MCM9: variants seen among roughly 807,000 people sequenced by gnomAD.
MCM9 encodes the protein DNA helicase MCM9.
A neutral mutation model predicts 72.8 loss-of-function variants in MCM9; 55 were observed. The ratio of observed to expected loss-of-function variants is 0.76; its 90% CI spans 0.61 to 0.95. The LOEUF (loss-of-function observed/expected upper bound fraction) is 0.95. Ranked by LOEUF, MCM9 falls within the 40% of genes least tolerant of loss-of-function variation. The pLI is 0.00. For missense variants in MCM9, 1,279 were observed against 1,377.0 expected (o/e 0.93, Z 1.13); for synonymous variants, 480 against 503.4 (o/e 0.95, Z 0.62).
At chr6:118,903,827 T>G (rs981902149) in intron 8 of MCM9, among the ~76,000 whole-genome samples, 1 of 152,160 alleles carries the variant, frequency 6.6e-6, no homozygotes, top group Non-Finnish European at 1.5e-5. Context: ...GCTCAAGTGA[T>G]CCACCCACCT....
intron 13 of MCM9, among the ~76,000 whole-genome samples, chr6:118,824,034 CCTTTTTTT>C (rs1773996201): frequency 8.3e-6 from 1 of 120,098 alleles, no homozygotes; most frequent in South Asian, 2.7e-4. Context: ...AGCAAACCCA[CCTTTTTTT>C]TTTTTTTTTT....
intron 8 of MCM9, among the ~76,000 whole-genome samples, chr6:118,905,271 T>C (rs1400062664): frequency 1.3e-5 from 2 of 152,172 alleles, no homozygotes; most frequent in African/African-American, 4.8e-5. Context: ...TATGAGGAGA[T>C]CATTTAATAC....
In MCM9 at chr6:118,879,250, A is replaced by G. The variant is rs1187972011; in HGVS notation, c.1151-22705T>C. On this transcript the variant is annotated intron_variant, in intron 8 of 13. Transcript: ENST00000619706. ...CAAAGGTTGTTAGAATGGAGGGGGA[A>G]AAAAAAAAAAAACCCATGATCCAAC... Among the ~76,000 whole-genome samples the G allele has an allele frequency of 6.1e-3, 34 of 5,550 alleles. No homozygotes were observed. In the South Asian group the frequency reaches 0.16, roughly 26 times the overall value. 3.6% of individuals were successfully genotyped at this position (5,550 alleles called of 152,430 possible).
chr6:118,842,033 C>T (rs926549159), intron 9 of MCM9, among the ~76,000 whole-genome samples: 9 of 152,168 alleles, frequency 5.9e-5, no homozygotes, highest in Non-Finnish European at 1.3e-4. Flanking sequence ...TGGGGTTTCG[C>T]CATATTGGCT....
intron 9 of MCM9, among the ~76,000 whole-genome samples, chr6:118,840,539 G>A (rs1221705417): frequency 2.6e-5 from 4 of 151,968 alleles, no homozygotes; most frequent in Non-Finnish European, 5.9e-5. Context: ...AACAGCCCAC[G>A]CAGCAACAGT....
intron 8 of MCM9, among the ~76,000 whole-genome samples, chr6:118,863,636 G>A (rs1777040259): frequency 6.6e-6 from 1 of 152,170 alleles, no homozygotes; most frequent in African/African-American, 2.4e-5. Flanking sequence ...TATTTGAGAG[G>A]TGGGACCTTT....
chr6:118,901,574 A>C (rs1046072336), intron 8 of MCM9, among the ~76,000 whole-genome samples: 1 of 152,190 alleles, frequency 6.6e-6, no homozygotes, highest in African/African-American at 2.4e-5. Context: ...ATCTATACCA[A>C]GGCTTCAGAC....
intron 9 of MCM9, among the ~76,000 whole-genome samples, chr6:118,831,723 T>C (rs1006495451): frequency 6.6e-6 from 1 of 152,170 alleles, no homozygotes; most frequent in Admixed American, 6.5e-5. Flanking sequence ...AAATACTAAA[T>C]GAATGAATTC....
chr6:118,905,560 A>C, intron 8 of MCM9: 1 of 993,070 alleles, frequency 1.0e-6, no homozygotes, highest in Non-Finnish European at 1.4e-6. Context: ...TGCATCCTCA[A>C]CTGATGGTTC....
chr6:118,880,874 C>A (rs2114386310), intron 8 of MCM9, among the ~76,000 whole-genome samples: 1 of 152,278 alleles, frequency 6.6e-6, no homozygotes, highest in South Asian at 2.1e-4. Flanking sequence ...CTCTCCTTAT[C>A]CACAGGGGAT....
At chr6:118,932,953 T>C (rs745642893) in intron 1 of MCM9, among the ~76,000 whole-genome samples, 5 of 152,194 alleles carry the variant, frequency 3.3e-5, no homozygotes, top group Admixed American at 6.5e-5. Context: ...AAATTACATA[T>C]GTATAAACCC....
At chr6:118,922,394 G>A (rs1781503186) in intron 4 of MCM9, among the ~76,000 whole-genome samples, 1 of 152,028 alleles carries the variant, frequency 6.6e-6, no homozygotes, top group South Asian at 2.1e-4. Flanking sequence ...AGAAAAGAGG[G>A]GTATTTCTTT....
At chr6:118,859,776 T>C (rs1251580955) in intron 8 of MCM9, among the ~76,000 whole-genome samples, 2 of 152,178 alleles carry the variant, frequency 1.3e-5, no homozygotes, top group Non-Finnish European at 2.9e-5. Context: ...ACGCCAGAAC[T>C]TCCTGTTCTT....
intron 9 of MCM9, among the ~76,000 whole-genome samples, chr6:118,849,280 A>C (rs1395001098): frequency 1.3e-5 from 2 of 151,902 alleles, no homozygotes; most frequent in African/African-American, 4.9e-5. Context: ...TACCTTCATA[A>C]AGCAGAAATT....
At chr6:118,846,863 A>G (rs879378750) in intron 9 of MCM9, among the ~76,000 whole-genome samples, 1 of 151,830 alleles carries the variant, frequency 6.6e-6, no homozygotes, top group Non-Finnish European at 1.5e-5. Context: ...ACATTTTAAA[A>G]TGAATGGAAA....
chr6:118,817,485 T>C (rs540319400), intron 13 of MCM9, among the ~76,000 whole-genome samples: 1 of 152,354 alleles, frequency 6.6e-6, no homozygotes, highest in South Asian at 2.1e-4. Flanking sequence ...TTTTTATGTC[T>C]GCATAGTACT....
intron 13 of MCM9, among the ~76,000 whole-genome samples, chr6:118,817,792 C>T (rs914561585): frequency 6.6e-6 from 1 of 152,176 alleles, no homozygotes; most frequent in African/African-American, 2.4e-5. Context: ...ACAGCCTAGC[C>T]ACCATCTGTT....
intron 9 of MCM9, among the ~76,000 whole-genome samples, chr6:118,839,255 C>T (rs1775187208): frequency 6.6e-6 from 1 of 151,808 alleles, no homozygotes; most frequent in Admixed American, 6.6e-5. Context: ...AGTTCTTATG[C>T]TATGTTTTTC....
chr6:118,849,764 G>C (rs528959393), intron 9 of MCM9, among the ~76,000 whole-genome samples: 2 of 151,814 alleles, frequency 1.3e-5, no homozygotes, highest in Admixed American at 1.3e-4. Context: ...ATCGTCTATG[G>C]GATACCACTG....
Sources: gnomAD v4.1 joint callset for allele counts (sites outside exome capture counted in the v4.1 genomes callset) on GRCh38, gnomAD v4.1.1 for gene constraint, MANE v1.5 for transcripts, NCBI Gene and HGNC (gene_info 2026-07-23, HGNC 2026-07-21) for gene names.